CNTNAP4: variants seen among roughly 807,000 people sequenced by gnomAD.
The protein encoded by CNTNAP4 is contactin-associated protein-like 4.
A neutral mutation model predicts 148.4 loss-of-function variants in CNTNAP4; 98 were observed. The observed-to-expected ratio is 0.66, with a 90% CI of 0.56 to 0.78. CNTNAP4 has a LOEUF of 0.78. Among genes scored for constraint, CNTNAP4 ranks in the 30% least tolerant of loss-of-function variants. The pLI, the probability that CNTNAP4 is intolerant of heterozygous loss-of-function variation, is 0.00. For synonymous variants in CNTNAP4, 730 were observed against 565.1 expected (o/e 1.29, Z -4.14); for missense variants, 1,935 against 1,565.6 (o/e 1.24, Z -3.98).
chr16:76,355,206 G>T, intron 2 of CNTNAP4, 112 bp from the exon 3 acceptor site: 3 of 597,176 alleles, frequency 5.0e-6, no homozygotes, highest in South Asian at 9.0e-5. Flanking sequence ...TTCATATTTT[G>T]GATATTTAAG....
chr16:76,325,602 T>A (rs1336582547), intron 2 of CNTNAP4, among the ~76,000 whole-genome samples: 1 of 152,146 alleles, frequency 6.6e-6, no homozygotes, highest in Non-Finnish European at 1.5e-5. Flanking sequence ...AAGAAAATAC[T>A]GCAAATCAGA....
In CNTNAP4 at chr16:76,297,882, A is replaced by G. The variant is rs1430530455; in HGVS notation, c.86-18531A>G. ...TAAAAGAAGACCTGATAAACCAGAT[A>G]CTAAATTAGAATCAGAAATAGTCTC... On this transcript the variant is annotated intron_variant, in intron 1 of 23. Coordinates refer to ENST00000611870, the MANE Select transcript of CNTNAP4 (RefSeq NM_033401.5). Among the ~76,000 whole-genome samples the G allele has an allele frequency of 3.3e-5, 5 of 152,342 alleles. No homozygotes were observed. In the East Asian group the frequency reaches 9.6e-4, roughly 29 times the overall value.
At chr16:76,281,619 T>C (rs202126566) in intron 1 of CNTNAP4, among the ~76,000 whole-genome samples, 1 of 152,026 alleles carries the variant, frequency 6.6e-6, no homozygotes, top group East Asian at 1.9e-4. Context: ...AGCTAATGAG[T>C]ATATCAAGAT....
intron 2 of CNTNAP4, among the ~76,000 whole-genome samples, chr16:76,340,836 A>T (rs1964412048): frequency 6.6e-6 from 1 of 152,192 alleles, no homozygotes; most frequent in Admixed American, 6.5e-5. Context: ...AAATTTGATC[A>T]AGGAGATATG....
chr16:76,512,969 A>G (rs1326778876), intron 15 of CNTNAP4, among the ~76,000 whole-genome samples: 1 of 152,182 alleles, frequency 6.6e-6, no homozygotes. Flanking sequence ...TTGTTTTGTC[A>G]AGTGTTTGGG....
intron 15 of CNTNAP4, among the ~76,000 whole-genome samples, chr16:76,502,055 C>T (rs1457648437): frequency 6.8e-6 from 1 of 147,310 alleles, no homozygotes; most frequent in South Asian, 2.1e-4. Context: ...GGCGACAGAG[C>T]GAGACTCCGT....
intron 2 of CNTNAP4, among the ~76,000 whole-genome samples, chr16:76,326,926 G>T (rs534536759): frequency 6.6e-6 from 1 of 151,544 alleles, no homozygotes; most frequent in South Asian, 2.1e-4. Context: ...TTGTGCACAT[G>T]TACCCTAAAA....
intron 2 of CNTNAP4, among the ~76,000 whole-genome samples, chr16:76,330,500 G>T (rs943156036): frequency 1.3e-5 from 2 of 152,160 alleles, no homozygotes; most frequent in Non-Finnish European, 2.9e-5. Context: ...TGGTGTTTAT[G>T]AATGCACTTG....
intron 4 of CNTNAP4, among the ~76,000 whole-genome samples, chr16:76,438,175 A>G (rs1320165173): frequency 1.3e-5 from 2 of 152,080 alleles, no homozygotes; most frequent in African/African-American, 4.8e-5. Context: ...TTGAGTAGGG[A>G]ATATTTAGAA....
chr16:76,477,392 T>G (rs919939785), intron 11 of CNTNAP4, among the ~76,000 whole-genome samples: 1 of 152,134 alleles, frequency 6.6e-6, no homozygotes, highest in African/African-American at 2.4e-5. Context: ...ATATCCTTGA[T>G]TTAAGGTAAG....
At chr16:76,338,651 T>C (rs1964215466) in intron 2 of CNTNAP4, among the ~76,000 whole-genome samples, 1 of 152,176 alleles carries the variant, frequency 6.6e-6, no homozygotes, top group African/African-American at 2.4e-5. Flanking sequence ...GCTGTCTTAC[T>C]CTTTTATAAA....
At chr16:76,538,891 T>G (rs527541227) in intron 19 of CNTNAP4, among the ~76,000 whole-genome samples, 1 of 152,192 alleles carries the variant, frequency 6.6e-6, no homozygotes, top group South Asian at 2.1e-4. Flanking sequence ...AACCATTTAC[T>G]GCTATTTTTC....
At chr16:76,301,150 A>G (rs1384318546) in intron 1 of CNTNAP4, among the ~76,000 whole-genome samples, 1 of 152,058 alleles carries the variant, frequency 6.6e-6, no homozygotes, top group East Asian at 1.9e-4. Context: ...AAATTAACAC[A>G]CACAAAAAGA....
At chr16:76,404,536 A>G (rs1011629609) in intron 3 of CNTNAP4, among the ~76,000 whole-genome samples, 4 of 152,068 alleles carry the variant, frequency 2.6e-5, no homozygotes, top group Non-Finnish European at 5.9e-5. Flanking sequence ...AAGTTAAACA[A>G]CTTAAAGTAG....
At chr16:76,471,186 C>G (rs948051085) in intron 10 of CNTNAP4, among the ~76,000 whole-genome samples, 4 of 152,042 alleles carry the variant, frequency 2.6e-5, no homozygotes, top group African/African-American at 9.7e-5. Flanking sequence ...GGCCCTCAGT[C>G]CAGGGACTTC....
At chr16:76,308,786 A>G (rs1718937551) in intron 1 of CNTNAP4, among the ~76,000 whole-genome samples, 1 of 151,974 alleles carries the variant, frequency 6.6e-6, no homozygotes, top group Admixed American at 6.6e-5. Flanking sequence ...AGATGCGACA[A>G]CCCTGCAACC....
At chr16:76,345,336 G>T (rs1339244503) in intron 2 of CNTNAP4, among the ~76,000 whole-genome samples, 1 of 152,280 alleles carries the variant, frequency 6.6e-6, no homozygotes, top group Admixed American at 6.5e-5. Context: ...TGGGGAGTAT[G>T]ATTCATTAGG....
At position 76,535,633 on chromosome 16, in the gene CNTNAP4, C is replaced by T; in HGVS notation, c.2844C>T (p.Ala948=). 1 of 1,613,898 alleles carries T rather than the reference C, an allele frequency of 6.2e-7. No individual in the cohort carries two copies. The highest frequency in any genetic ancestry group is 8.5e-7 in the Non-Finnish European group (1 of 1,180,020). ...NGMTLDLEER[A]QVTPEVQPGC... The stretch of plus-strand genomic sequence containing the variant: ...TGACCCTGGATTTGGAAGAAAGAGC[C>T]CAGGTGACTCCAGAAGTGCAGCCAG... The change falls in exon 18 of 24, where the codon GCC becomes GCT. Residue 948 remains alanine, a synonymous_variant. Coordinates refer to ENST00000611870, the MANE Select transcript of CNTNAP4 (RefSeq NM_033401.5).
chr16:76,504,723 G>A (rs564818201), intron 15 of CNTNAP4, among the ~76,000 whole-genome samples: 1 of 151,988 alleles, frequency 6.6e-6, no homozygotes, highest in Admixed American at 6.6e-5. Context: ...GTTTTATAGA[G>A]GCTAATACCC....
Sources: gnomAD v4.1 joint callset for allele counts (sites outside exome capture counted in the v4.1 genomes callset) on GRCh38, gnomAD v4.1.1 for gene constraint, MANE v1.5 for transcripts, NCBI Gene and HGNC (gene_info 2026-07-23, HGNC 2026-07-21) for gene names.